RP1: variants seen among roughly 807,000 people sequenced by gnomAD.
RP1 encodes the protein RP1 axonemal microtubule associated, also known as oxygen-regulated protein 1.
A neutral mutation model predicts 14.8 loss-of-function variants in RP1; 16 were observed. The observed-to-expected ratio is 1.08, with a 90% CI of 0.73 to 1.65. RP1 has a LOEUF of 1.65. RP1 is among the 40% of genes most tolerant of loss of function. The pLI is 0.00. For missense variants in RP1, 2,631 were observed against 2,535.0 expected (o/e 1.04, Z -0.81); for synonymous variants, 876 against 883.6 (o/e 0.99, Z 0.15).
At chr8:54,755,000 G>T (rs1321366789) in intron 20 of RP1, 7 of 1,371,494 alleles carry the variant, frequency 5.1e-6, no homozygotes, top group African/African-American at 4.5e-5. Flanking sequence ...GCTTAAATTT[G>T]CTTCTAAGCT....
chr8:54,833,637 C>T (rs1052071659), intron 24 of RP1, among the ~76,000 whole-genome samples: 5 of 152,034 alleles, frequency 3.3e-5, no homozygotes, highest in Admixed American at 1.3e-4. Context: ...CCTTCAAAAA[C>T]ATATCAGGAC....
At chr8:54,867,663 A>C (rs1161984315) in intron 28 of RP1, among the ~76,000 whole-genome samples, 2 of 152,184 alleles carry the variant, frequency 1.3e-5, no homozygotes, top group African/African-American at 4.8e-5. Flanking sequence ...ATTTTAAAGA[A>C]ATTTTTAGAC....
chr8:54,854,738 G>A (rs529492712), intron 26 of RP1, among the ~76,000 whole-genome samples: 215 of 152,188 alleles, frequency 1.4e-3, no homozygotes, highest in African/African-American at 4.7e-3. Flanking sequence ...GGCGGCAGGC[G>A]CCTGTAGTCT....
intron 19 of RP1, among the ~76,000 whole-genome samples, chr8:54,743,415 G>A (rs1260798804): frequency 6.6e-6 from 1 of 152,094 alleles, no homozygotes; most frequent in Non-Finnish European, 1.5e-5. Context: ...TGGCCAAATG[G>A]TGATTTTTAT....
At chr8:54,630,856 G>A, downstream of RP1, 1 of 989,266 alleles carries the variant, frequency 1.0e-6, no homozygotes, top group Non-Finnish European at 1.2e-6. Flanking sequence ...GTTGAGTCCA[G>A]TTCCTCAGAA....
intron 24 of RP1, among the ~76,000 whole-genome samples, chr8:54,828,046 G>T (rs6983243): frequency 0.31 from 47,810 of 151,876 alleles, 7,672 homozygotes; most frequent in South Asian, 0.37. Flanking sequence ...CCACTGGAAG[G>T]TCTTCAGCGA....
At chr8:54,679,573 T>C (rs1807377214) in intron 10 of RP1, 11 of 1,535,936 alleles carry the variant, frequency 7.2e-6, no homozygotes, top group Non-Finnish European at 9.6e-6. Context: ...CTGAAATTAA[T>C]TGCCCTCTCT....
intron 18 of RP1, among the ~76,000 whole-genome samples, chr8:54,738,377 G>A (rs1808990331): frequency 6.6e-6 from 1 of 151,948 alleles, no homozygotes; most frequent in South Asian, 2.1e-4. Flanking sequence ...AATACTCTTG[G>A]GCCACATCAA....
intron 4 of RP1, among the ~76,000 whole-genome samples, chr8:54,650,457 T>C (rs1192598401): frequency 6.6e-6 from 1 of 152,192 alleles, no homozygotes; most frequent in Non-Finnish European, 1.5e-5. Flanking sequence ...AAAGTTACCA[T>C]TAAAAAATTT....
At chr8:54,846,612 C>A (rs969608597) in intron 25 of RP1, among the ~76,000 whole-genome samples, 1 of 152,176 alleles carries the variant, frequency 6.6e-6, no homozygotes, top group African/African-American at 2.4e-5. Context: ...AAATCTTAAT[C>A]ATTTTGACTC....
intron 12 of RP1, chr8:54,679,975 G>A: frequency 6.6e-7 from 1 of 1,507,730 alleles, no homozygotes. Flanking sequence ...GACAGGTCTG[G>A]GAGTTAAAGG....
chr8:54,684,602 G>A (rs548070787), intron 12 of RP1, among the ~76,000 whole-genome samples: 1 of 152,228 alleles, frequency 6.6e-6, no homozygotes, highest in East Asian at 1.9e-4. Flanking sequence ...TGTACATAGA[G>A]GTGTTTATAG....
intron 24 of RP1, among the ~76,000 whole-genome samples, chr8:54,793,600 A>C (rs1209809321): frequency 6.6e-6 from 1 of 152,030 alleles, no homozygotes; most frequent in African/African-American, 2.4e-5. Flanking sequence ...CAACAGATAC[A>C]GAAAAAGCAT....
rs142054384 is a variant in RP1 at position 54,792,043 on chromosome 8, G to C, written c.3615+8333G>C. Among the ~76,000 whole-genome samples, 612 of 151,966 alleles carry C rather than the reference G, an allele frequency of 4.0e-3. 11 individuals are homozygous for C. The highest frequency in any genetic ancestry group is 0.027 in the East Asian group (140 of 5,174). ...TTCCATGAAATGATAATCAAATGTG[G>C]GCACGAGTGACTATAATTATATCAT... is the stretch of plus-strand genomic sequence containing the variant. On this transcript the variant is annotated intron_variant, in intron 24 of 28. Coordinates refer to the RP1 transcript ENST00000637698.
intron 23 of RP1, among the ~76,000 whole-genome samples, chr8:54,779,229 C>T (rs1810121019): frequency 6.6e-6 from 1 of 152,108 alleles, no homozygotes; most frequent in African/African-American, 2.4e-5. Flanking sequence ...TGGGTTTTTT[C>T]GCTTTCACTG....
At chr8:54,844,314 A>G (rs903613205) in intron 25 of RP1, among the ~76,000 whole-genome samples, 4 of 152,136 alleles carry the variant, frequency 2.6e-5, no homozygotes, top group Non-Finnish European at 5.9e-5. Context: ...CAGCTCCTCA[A>G]TTTATTTACT....
chr8:54,764,552 T>G (rs1016997318), intron 22 of RP1, among the ~76,000 whole-genome samples: 3 of 152,240 alleles, frequency 2.0e-5, no homozygotes, highest in Non-Finnish European at 4.4e-5. Flanking sequence ...TTAAGTTATA[T>G]GTGTGTGTTT....
chr8:54,622,223 C>A lies in RP1; in HGVS notation c.722C>A (p.Ala241Asp). The A allele has an allele frequency of 1.2e-6, 2 of 1,614,078 alleles. No homozygotes were observed. Among genetic ancestry groups the A allele is most frequent in the Non-Finnish European group, 1.7e-6 (2 of 1,179,970 alleles). The change falls in exon 3 of 4, where the codon GCT becomes GAT. Residue 241 changes from alanine (A) to aspartate (D), a missense_variant. Transcript: ENST00000220676. ...GACATCCAAAAATACTTGCTTCCTG[C>A]TAGATTACCAGGGATCTCTCAGCGT... ...NYDIQKYLLPARLPGISQRVY... is the reference protein window; with the variant it reads ...NYDIQKYLLPDRLPGISQRVY...
chr8:54,635,674 G>A (rs937694729), downstream of RP1, among the ~76,000 whole-genome samples: 3 of 152,050 alleles, frequency 2.0e-5, no homozygotes, highest in East Asian at 1.9e-4. Context: ...TTACTTTCCC[G>A]TGTAGTTGTT....
Sources: gnomAD v4.1 joint callset for allele counts (sites outside exome capture counted in the v4.1 genomes callset) on GRCh38, gnomAD v4.1.1 for gene constraint, MANE v1.5 for transcripts, NCBI Gene and HGNC (gene_info 2026-07-23, HGNC 2026-07-21) for gene names.